Variants in ABCG1 observed in about 807,000 individuals in gnomAD.
ABCG1 encodes the protein ATP binding cassette subfamily G member 1.
Under a neutral mutation model 69.2 loss-of-function variants are expected in ABCG1, and 29 were observed. That is an observed-to-expected ratio of 0.42 (90% CI 0.31 to 0.57). The LOEUF (loss-of-function observed/expected upper bound fraction) is 0.57, where lower values mean the gene tolerates loss of function less well. Among genes scored for constraint, ABCG1 ranks in the 20% least tolerant of loss-of-function variants. The pLI is 0.15. For missense variants in ABCG1, 718 were observed against 898.1 expected, an observed-to-expected ratio of 0.80 and a Z score of 2.56; for synonymous variants, 370 against 374.8, an observed-to-expected ratio of 0.99 and a Z score of 0.15.
intron 1 of ABCG1, chr21:42,199,886 A>G (rs1015377616): frequency 1.3e-5 from 2 of 152,246 alleles, no homozygotes; most frequent in African/African-American, 4.8e-5. Flanking sequence ...GTAAGAAAAT[A>G]TCTTTAAATA....
chr21:42,202,403 A>G (rs1017511875), intron 2 of ABCG1, among the ~76,000 whole-genome samples: 4 of 152,102 alleles, frequency 2.6e-5, no homozygotes, highest in Non-Finnish European at 4.4e-5. Flanking sequence ...CTACACAACA[A>G]TTCAGCACAG....
chr21:42,247,529 ACTTT>A (rs2068151706), intron 2 of ABCG1, among the ~76,000 whole-genome samples: 1 of 152,170 alleles, frequency 6.6e-6, no homozygotes, highest in South Asian at 2.1e-4. Context: ...TTGGAAATGG[ACTTT>A]CTGGGAAGCA....
At chr21:42,293,950 ACCACACACACACT>A (rs148484065) in intron 13 of ABCG1, among the ~76,000 whole-genome samples, 82,198 of 146,858 alleles carry the variant, frequency 0.56, 22,965 homozygotes, top group Non-Finnish European at 0.58. Context: ...CACCGCCCAC[ACCACACACACACT>A]CCACACACAC....
At chr21:42,249,953 C>T (rs1394573819) in intron 2 of ABCG1, among the ~76,000 whole-genome samples, 5 of 150,556 alleles carry the variant, frequency 3.3e-5, no homozygotes, top group African/African-American at 1.2e-4. Context: ...TGCAGTCAGC[C>T]GAGATGGCGC....
At chr21:42,202,110 G>A (rs766988013) in intron 2 of ABCG1, among the ~76,000 whole-genome samples, 10 of 152,156 alleles carry the variant, frequency 6.6e-5, no homozygotes, top group South Asian at 2.1e-4. Flanking sequence ...GTTTACCCAC[G>A]GATGGATCCC....
intron 2 of ABCG1, among the ~76,000 whole-genome samples, chr21:42,243,944 G>A (rs1341207279): frequency 6.9e-6 from 1 of 145,546 alleles, no homozygotes; most frequent in South Asian, 2.3e-4. Flanking sequence ...TCAGCCTCCC[G>A]AATAGCTGGG....
intron 7 of ABCG1, 96 bp from the exon 8 acceptor site, chr21:42,285,784 A>T (rs914244569): frequency 3.6e-6 from 3 of 839,552 alleles, no homozygotes; most frequent in Non-Finnish European, 6.1e-6. Flanking sequence ...TGACTGATTG[A>T]TCGGTTGATT....
chr21:42,199,791 A>G (rs1210359072), exon 1 of ABCG1: 1 of 152,214 alleles, frequency 6.6e-6, no homozygotes. Context: ...CCCTTTATTA[A>G]TTGCAAAATA....
chr21:42,272,152 C>T (rs2068628694), intron 3 of ABCG1, among the ~76,000 whole-genome samples: 1 of 152,218 alleles, frequency 6.6e-6, no homozygotes. Context: ...CACCTTAATG[C>T]CAGAAATTGG....
In ABCG1 at chr21:42,241,621, A is replaced by C. The variant is rs78878629; in HGVS notation, c.286+15707A>C. ...CCCTGTCTCAAAAAAAAAAAATAAC[A>C]AAAAAAAAACAAAACCCAAAATCCC... is the stretch of plus-strand genomic sequence containing the variant. On this transcript the variant is annotated intron_variant, in intron 2 of 14. Transcript: ENST00000398449. Among the ~76,000 whole-genome samples, 75 of 36,490 alleles carry C rather than the reference A, an allele frequency of 2.1e-3. No homozygotes were observed. In the African/African-American group the frequency reaches 0.027, roughly 13 times the overall value. 23.9% of individuals were successfully genotyped at this position (36,490 alleles called of 152,430 possible). A position where few individuals can be genotyped will look rare whatever the true frequency, so the allele number is the denominator to read the frequency against.
At chr21:42,263,987 T>A (rs1466303665) in intron 2 of ABCG1, among the ~76,000 whole-genome samples, 2 of 152,212 alleles carry the variant, frequency 1.3e-5, no homozygotes, top group African/African-American at 4.8e-5. Flanking sequence ...CATTCCAGGT[T>A]CGCGGGGCAT....
intron 2 of ABCG1, among the ~76,000 whole-genome samples, chr21:42,229,739 AAAAGAAAG>A (rs538894463): frequency 3.3e-5 from 5 of 151,612 alleles, no homozygotes; most frequent in Admixed American, 1.3e-4. Flanking sequence ...ACACAAAAAC[AAAAGAAAG>A]AAAGAAAGAA....
At chr21:42,223,397 C>T (rs74702561) in intron 1 of ABCG1, among the ~76,000 whole-genome samples, 2,584 of 152,258 alleles carry the variant, frequency 0.017, 62 homozygotes, top group African/African-American at 0.058. Context: ...GTATGCTTTC[C>T]GCCTGGCTCT....
chr21:42,261,656 GC>G (rs1173891314), intron 2 of ABCG1, among the ~76,000 whole-genome samples: 2 of 152,140 alleles, frequency 1.3e-5, no homozygotes, highest in Non-Finnish European at 2.9e-5. Context: ...GTCCTGCCTG[GC>G]CCGGCCCCCT....
chr21:42,282,399 G>A lies in ABCG1; in HGVS notation c.714G>A (p.Met238Ile). Reference protein sequence around the residue: ...ALELVNNPPVMFFDEPTSGLD... With the variant: ...ALELVNNPPVIFFDEPTSGLD... Reference sequence around the variant, plus strand: ...AGCTGGTGAACAACCCTCCAGTCATGTTCTTCGATGAGCCCACCAGGTAAG... The same window carrying A: ...AGCTGGTGAACAACCCTCCAGTCATATTCTTCGATGAGCCCACCAGGTAAG... The change falls in exon 6 of 15, where the codon ATG (methionine) becomes ATA (isoleucine). Residue 238 changes from methionine to isoleucine, a missense_variant. Met to Ile is a conservative substitution (Grantham distance 10). Coordinates refer to ENST00000398449, the MANE Select transcript of ABCG1 (RefSeq NM_016818.3). 6.2e-7 allele frequency: 1 copy of A among 1,613,078 alleles called. No homozygotes were observed.
chr21:42,295,959 T>G (rs1232133065), intron 14 of ABCG1, among the ~76,000 whole-genome samples: 40 of 152,100 alleles, frequency 2.6e-4, no homozygotes, highest in Admixed American at 2.6e-3. Flanking sequence ...GAAACAAAAT[T>G]GGAAGAAAAA....
rs182923961 is a variant in ABCG1 at position 42,203,374 on chromosome 21, C to T, written c.48+1651C>T. ...TCATGCTTTTGGAACTCTTTGGCTC[C>T]GTATCCTAAAGATTTCCTCCTAATA... On this transcript the variant is annotated intron_variant, in intron 2 of 15. Coordinates refer to the ABCG1 transcript ENST00000398457. Among the ~76,000 whole-genome samples, 57 of 152,250 alleles carry T rather than the reference C, an allele frequency of 3.7e-4. 1 individual carries two copies. The East Asian group carries it at 9.6e-3, about 26-fold the overall frequency.
chr21:42,224,958 T>A (rs1016512627), intron 1 of ABCG1, among the ~76,000 whole-genome samples: 3 of 151,416 alleles, frequency 2.0e-5, no homozygotes, highest in East Asian at 1.9e-4. Context: ...TTTTTTTTTT[T>A]ATGACTCAAA....
chr21:42,233,382 A>G (rs2067929357), intron 2 of ABCG1, among the ~76,000 whole-genome samples: 1 of 152,138 alleles, frequency 6.6e-6, no homozygotes. Context: ...TTCTTGCACC[A>G]TTTCTGACAA....
Sources: allele counts gnomAD v4.1 joint callset (sites outside exome capture counted in the v4.1 genomes callset), GRCh38; gene constraint gnomAD v4.1.1; transcripts MANE v1.5; gene names NCBI Gene and HGNC (gene_info 2026-07-23, HGNC 2026-07-21).